Variants in IDE observed in about 807,000 individuals in gnomAD.
IDE encodes insulin-degrading enzyme.
Under a neutral mutation model 133.2 loss-of-function variants are expected in IDE, and 58 were observed. That is an observed-to-expected ratio of 0.44 (90% confidence interval 0.35 to 0.54). The LOEUF (loss-of-function observed/expected upper bound fraction) is 0.54, where lower values mean the gene tolerates loss of function less well. IDE is among the 20% of genes least tolerant of loss of function. The pLI, the probability that IDE is intolerant of heterozygous loss-of-function variation, is 0.00. For synonymous variants in IDE, 396 were observed against 421.3 expected (o/e 0.94, Z 0.73); for missense variants, 981 against 1,234.0 (o/e 0.79, Z 3.07).
chr10:92,477,105 A>G lies in IDE; in HGVS notation c.1885-1111T>C, dbSNP rs111519186. On this transcript the variant is annotated intron_variant, in intron 15 of 24. Coordinates refer to ENST00000265986, the MANE Select transcript of IDE (RefSeq NM_004969.4). ...GTGTTCCAAAAGCTAATGGCAAAAC[A>G]AATGTGTAAAAAGGATACACTGTAT... 9.7e-3 allele frequency among the ~76,000 whole-genome samples: 1,478 copies of G among 152,240 alleles called. 10 individuals carry two copies. The highest frequency in any genetic ancestry group is 0.016 in the Non-Finnish European group (1,105 of 68,016).
At chr10:92,536,570 C>T (rs1321921782) in intron 2 of IDE, among the ~76,000 whole-genome samples, 4 of 150,772 alleles carry the variant, frequency 2.7e-5, no homozygotes, top group African/African-American at 7.3e-5. Flanking sequence ...TGGTGGCACG[C>T]GCCTGTAATC....
intron 4 of IDE, among the ~76,000 whole-genome samples, chr10:92,522,933 CT>C (rs1849310952): frequency 6.6e-6 from 1 of 152,162 alleles, no homozygotes; most frequent in Non-Finnish European, 1.5e-5. Context: ...TAAAATTACA[CT>C]CAGTGAAATC....
intron 20 of IDE, among the ~76,000 whole-genome samples, 172 bp downstream of exon 20, chr10:92,465,504 T>C (rs375805971): frequency 2.6e-5 from 4 of 152,218 alleles, no homozygotes; most frequent in Non-Finnish European, 5.9e-5. Context: ...GTCCATAAGA[T>C]AGTGATTGCT....
intron 6 of IDE, among the ~76,000 whole-genome samples, chr10:92,509,565 C>G (rs527498471): frequency 6.6e-6 from 1 of 151,860 alleles, no homozygotes; most frequent in Non-Finnish European, 1.5e-5. Context: ...TGCACTCCAG[C>G]CTGGGCAACA....
At chr10:92,488,802 T>C (rs1179966923) in intron 12 of IDE, among the ~76,000 whole-genome samples, 1 of 150,620 alleles carries the variant, frequency 6.6e-6, no homozygotes, top group Non-Finnish European at 1.5e-5. Flanking sequence ...AAAACAAAGT[T>C]GAGATTTAGG....
At chr10:92,510,821 A>G (rs1360033803) in intron 5 of IDE, among the ~76,000 whole-genome samples, 1 of 150,986 alleles carries the variant, frequency 6.6e-6, no homozygotes, top group Non-Finnish European at 1.5e-5. Flanking sequence ...CACATATATG[A>G]TATATAGCAC....
intron 17 of IDE, among the ~76,000 whole-genome samples, chr10:92,471,040 A>G (rs1185406675): frequency 2.2e-4 from 34 of 152,232 alleles, no homozygotes; most frequent in Admixed American, 2.2e-3. Context: ...TGTAATTACT[A>G]AATATTTATT....
intron 15 of IDE, among the ~76,000 whole-genome samples, chr10:92,477,691 T>A (rs931959835): frequency 6.6e-6 from 1 of 152,206 alleles, no homozygotes; most frequent in African/African-American, 2.4e-5. Flanking sequence ...GGAACTAGAC[T>A]GACAATTAGC....
intron 22 of IDE, among the ~76,000 whole-genome samples, chr10:92,458,042 T>A (rs1845122575): frequency 6.6e-6 from 1 of 152,232 alleles, no homozygotes; most frequent in Non-Finnish European, 1.5e-5. Flanking sequence ...CATTACCCCC[T>A]TGTCTACCCA....
intron 11 of IDE, among the ~76,000 whole-genome samples, chr10:92,499,786 C>G (rs1226213002): frequency 2.0e-5 from 3 of 152,120 alleles, no homozygotes; most frequent in Admixed American, 6.6e-5. Context: ...AAATCTTTGC[C>G]TATCGCAAGG....
intron 1 of IDE, among the ~76,000 whole-genome samples, chr10:92,538,098 T>C (rs1842111936): frequency 6.6e-6 from 1 of 152,172 alleles, no homozygotes; most frequent in South Asian, 2.1e-4. Flanking sequence ...GGTCTTGAAC[T>C]CCTGAGCTCA....
chr10:92,541,101 G>A (rs1357243285), intron 1 of IDE, among the ~76,000 whole-genome samples: 1 of 152,056 alleles, frequency 6.6e-6, no homozygotes, highest in African/African-American at 2.4e-5. Context: ...GTGTACAAAG[G>A]ATCAAGAAAA....
At chr10:92,530,249 T>A (rs889704978) in intron 4 of IDE, among the ~76,000 whole-genome samples, 28 of 150,928 alleles carry the variant, frequency 1.9e-4, no homozygotes, top group Non-Finnish European at 3.5e-4. Context: ...AATAAATAAA[T>A]AAATAAATAA....
chr10:92,455,689 T>C (rs1564585396), intron 23 of IDE, 46 bp from the exon 24 acceptor site: 1 of 1,040,062 alleles, frequency 9.6e-7, no homozygotes, highest in East Asian at 2.4e-5. Flanking sequence ...ATTGATACTA[T>C]CACAAAAGAA....
In IDE at chr10:92,522,757, A is replaced by T. The variant is rs2135600972; in HGVS notation, c.662-7715T>A. Among the ~76,000 whole-genome samples the T allele has an allele frequency of 2.0e-5, 3 of 152,348 alleles. No individual in the cohort carries two copies. The South Asian group carries it at 6.2e-4, about 32-fold the overall frequency. On this transcript the variant is annotated intron_variant, in intron 4 of 24. Transcript: ENST00000265986. ...GGCAATTTAATTATCTTAAGTCTTAATCTACTCATGTAAGATGGAAATATG... is the reference window on the plus strand; with the variant it reads ...GGCAATTTAATTATCTTAAGTCTTATTCTACTCATGTAAGATGGAAATATG...
intron 1 of IDE, among the ~76,000 whole-genome samples, chr10:92,551,747 G>C (rs1842794430): frequency 1.3e-5 from 2 of 152,064 alleles, no homozygotes; most frequent in Non-Finnish European, 2.9e-5. Flanking sequence ...CAGAGTTTCA[G>C]TTTGGTGAGA....
chr10:92,518,113 C>T (rs1430649968), intron 4 of IDE, among the ~76,000 whole-genome samples: 1 of 151,970 alleles, frequency 6.6e-6, no homozygotes, highest in Non-Finnish European at 1.5e-5. Flanking sequence ...GAAGTTCTCT[C>T]GTATCAAGGT....
intron 12 of IDE, among the ~76,000 whole-genome samples, chr10:92,488,932 T>TAAAAAA (rs56377277): frequency 8.9e-5 from 7 of 78,946 alleles, no homozygotes; most frequent in Admixed American, 3.1e-4. Context: ...TTTCATTATT[T>TAAAAAA]AAAAAAAAAA....
At chr10:92,562,911 G>A (rs1010678528) in intron 1 of IDE, among the ~76,000 whole-genome samples, 20 of 152,104 alleles carry the variant, frequency 1.3e-4, no homozygotes, top group African/African-American at 9.7e-5. Context: ...AGGCCAAGGC[G>A]GGTGGATCAT....
Sources: allele counts gnomAD v4.1 joint callset (sites outside exome capture counted in the v4.1 genomes callset), GRCh38; gene constraint gnomAD v4.1.1; transcripts MANE v1.5; gene names NCBI Gene and HGNC (gene_info 2026-07-23, HGNC 2026-07-21).